Variants in PRKAG2 observed in about 807,000 individuals in gnomAD.
PRKAG2 encodes the protein 5'-AMP-activated protein kinase subunit gamma-2.
PRKAG2 carries 26 observed loss-of-function variants against 69.6 expected under a neutral mutation model. The observed-to-expected ratio is 0.37, with a 90% CI of 0.27 to 0.52. PRKAG2 has a LOEUF of 0.52. PRKAG2 is among the 20% of genes least tolerant of loss of function. PRKAG2 has a pLI of 0.90. For synonymous variants in PRKAG2, 293 were observed against 285.0 expected (o/e 1.03, Z -0.28); for missense variants, 557 against 740.0 (o/e 0.75, Z 2.87).
chr7:151,872,675 G>C (rs779671404), intron 1 of PRKAG2, among the ~76,000 whole-genome samples: 5 of 152,248 alleles, frequency 3.3e-5, no homozygotes, highest in Non-Finnish European at 5.9e-5. Flanking sequence ...CCCCTCCTGG[G>C]TTGAGGGTTG....
intron 1 of PRKAG2, among the ~76,000 whole-genome samples, chr7:151,851,991 G>A (rs566962913): frequency 7.2e-5 from 11 of 152,256 alleles, no homozygotes; most frequent in South Asian, 2.1e-4. Flanking sequence ...GACTGAAAAC[G>A]GGTGGCAAGC....
At chr7:151,636,247 C>T (rs1006199886) in intron 4 of PRKAG2, among the ~76,000 whole-genome samples, 1 of 152,102 alleles carries the variant, frequency 6.6e-6, no homozygotes, top group Non-Finnish European at 1.5e-5. Context: ...CAGAATTGTG[C>T]AACTATCTAA....
chr7:151,568,582 A>G, intron 11 of PRKAG2, 134 bp downstream of exon 11: 1 of 922,130 alleles, frequency 1.1e-6, no homozygotes, highest in Admixed American at 2.2e-5. Context: ...TAAGTTGAGA[A>G]ACTGAAGTTT....
At chr7:151,855,221 A>ACACACAC (rs2079707883) in intron 1 of PRKAG2, among the ~76,000 whole-genome samples, 1 of 3,628 alleles carries the variant, frequency 2.8e-4, no homozygotes, top group Non-Finnish European at 5.2e-4. Context: ...CACACACACC[A>ACACACAC]CGCTCCACAC....
At position 151,658,775 on chromosome 7, in the gene PRKAG2, G is replaced by A. The variant is rs74839234; in HGVS notation, c.684+16645C>T. On this transcript the variant is annotated intron_variant, in intron 4 of 15. Transcript: ENST00000287878. ...GCATCTAGCAGAACACATTATAAGC[G>A]TTCTATCAGGTTATTTCTGGTGTAG... 4.3e-3 allele frequency among the ~76,000 whole-genome samples: 647 copies of A among 152,228 alleles called. 6 individuals carry two copies. Among genetic ancestry groups the A allele is most frequent in the African/African-American group, 0.013 (536 of 41,526 alleles).
chr7:151,764,646 G>A (rs2075632593), intron 3 of PRKAG2, among the ~76,000 whole-genome samples: 1 of 152,250 alleles, frequency 6.6e-6, no homozygotes, highest in African/African-American at 2.4e-5. Flanking sequence ...CCTACCAGAA[G>A]CCCGGAGACC....
intron 1 of PRKAG2, among the ~76,000 whole-genome samples, chr7:151,845,206 C>G (rs1186193649): frequency 6.6e-6 from 1 of 152,044 alleles, no homozygotes; most frequent in Non-Finnish European, 1.5e-5. Flanking sequence ...GCCTCTTCTC[C>G]TCGTCTGTGG....
At chr7:151,855,787 GC>G (rs2079759963) in intron 1 of PRKAG2, among the ~76,000 whole-genome samples, 4 of 152,258 alleles carry the variant, frequency 2.6e-5, no homozygotes, top group Admixed American at 1.3e-4. Context: ...ATGGGTAGAG[GC>G]TCAGAGCCAC....
chr7:151,768,069 T>A (rs1365232241), intron 3 of PRKAG2, among the ~76,000 whole-genome samples: 2 of 152,128 alleles, frequency 1.3e-5, no homozygotes, highest in African/African-American at 4.8e-5. Flanking sequence ...ATAATCAGAA[T>A]AAAGAGCAGG....
At chr7:151,634,217 C>A (rs1825351167) in intron 4 of PRKAG2, among the ~76,000 whole-genome samples, 1 of 152,154 alleles carries the variant, frequency 6.6e-6, no homozygotes, top group Non-Finnish European at 1.5e-5. Flanking sequence ...GCAAACATGG[C>A]AAACCAATTT....
intron 3 of PRKAG2, among the ~76,000 whole-genome samples, chr7:151,694,121 G>A (rs1053343717): frequency 3.9e-5 from 6 of 152,150 alleles, no homozygotes; most frequent in Non-Finnish European, 7.3e-5. Flanking sequence ...TGATCTGCCC[G>A]CCTCAGCCTC....
chr7:151,672,416 T>C (rs962911800), intron 4 of PRKAG2, among the ~76,000 whole-genome samples: 13 of 152,198 alleles, frequency 8.5e-5, no homozygotes, highest in Non-Finnish European at 1.9e-4. Flanking sequence ...GATTTTCAAG[T>C]GTACAGTTCA....
At chr7:151,757,587 C>T (rs758016896) in intron 3 of PRKAG2, among the ~76,000 whole-genome samples, 1 of 152,192 alleles carries the variant, frequency 6.6e-6, no homozygotes, top group Non-Finnish European at 1.5e-5. Context: ...GTCTTGGAAA[C>T]GGACAGGGGG....
chr7:151,603,213 A>C (rs1285029256), intron 5 of PRKAG2, among the ~76,000 whole-genome samples: 15 of 40,024 alleles, frequency 3.7e-4, no homozygotes, highest in South Asian at 2.8e-3. Context: ...ACGGAGGGAC[A>C]CGCTCCGTCC....
intron 3 of PRKAG2, among the ~76,000 whole-genome samples, chr7:151,775,078 A>C (rs1192595616): frequency 6.6e-6 from 1 of 152,234 alleles, no homozygotes; most frequent in Non-Finnish European, 1.5e-5. Flanking sequence ...GAAGCAGCTT[A>C]CACAATTGTA....
At chr7:151,604,175 G>C (rs1816919059) in intron 5 of PRKAG2, among the ~76,000 whole-genome samples, 1 of 152,178 alleles carries the variant, frequency 6.6e-6, no homozygotes, top group African/African-American at 2.4e-5. Flanking sequence ...GTGGCTTGGT[G>C]CTCCCTGCGT....
chr7:151,597,030 T>C (rs565624532), intron 5 of PRKAG2, among the ~76,000 whole-genome samples: 57 of 152,280 alleles, frequency 3.7e-4, no homozygotes, highest in African/African-American at 1.0e-3. Flanking sequence ...CTTCAAAATG[T>C]ACTACAAAGC....
Position 151,771,515 on chromosome 7 carries a change from T to G in PRKAG2, c.466+9637A>C, listed in dbSNP as rs903703062. Among the ~76,000 whole-genome samples, 6 of 152,218 alleles carry G rather than the reference T, an allele frequency of 3.9e-5. No homozygotes were observed. The highest frequency in any genetic ancestry group is 3.3e-4 in the Admixed American group (5 of 15,274). On this transcript the variant is annotated intron_variant, in intron 3 of 15. Coordinates refer to ENST00000287878, the MANE Select transcript of PRKAG2 (RefSeq NM_016203.4). This position sits in a 1 kb window ranked among gnomAD's most constrained non-coding sequence, Gnocchi z 4.0. Reference sequence around the variant, plus strand: ...TGTGGGAGGAATCATTTTGTATGCATGCAGTACACACAATGCCATCTTTCC... The same window carrying G: ...TGTGGGAGGAATCATTTTGTATGCAGGCAGTACACACAATGCCATCTTTCC...
chr7:151,719,614 T>A lies in PRKAG2; in HGVS notation c.467-43977A>T, dbSNP rs1428998703. 6.6e-6 allele frequency among the ~76,000 whole-genome samples: 1 copy of A among 152,004 alleles called. No individual in the cohort carries two copies. The highest frequency in any genetic ancestry group is 1.9e-4 in the East Asian group (1 of 5,180). On this transcript the variant is annotated intron_variant, in intron 3 of 15. Coordinates refer to ENST00000287878, the MANE Select transcript of PRKAG2 (RefSeq NM_016203.4). The surrounding 1 kb of genome is among the most constrained non-coding windows in gnomAD (Gnocchi z 5.2). ...CTTCCCGGGCAGTTCCCCCAGTGAGTCTGGTGTGTGTTGAGTCCTGTCCTG... is the reference window on the plus strand; with the variant it reads ...CTTCCCGGGCAGTTCCCCCAGTGAGACTGGTGTGTGTTGAGTCCTGTCCTG...
Sources: gnomAD v4.1 joint callset for allele counts (sites outside exome capture counted in the v4.1 genomes callset) on GRCh38, gnomAD v4.1.1 for gene constraint, Gnocchi (gnomAD v3.1) non-coding constraint, MANE v1.5 for transcripts, NCBI Gene and HGNC (gene_info 2026-07-23, HGNC 2026-07-21) for gene names.